CCDC148: variants seen among roughly 807,000 people sequenced by gnomAD.
The protein encoded by CCDC148 is coiled-coil domain-containing protein 148.
In CCDC148, 89 loss-of-function variants were observed where a neutral mutation model predicts 85.7. The observed-to-expected ratio is 1.04, with a 90% confidence interval of 0.87 to 1.24. The LOEUF (loss-of-function observed/expected upper bound fraction) is 1.24, where lower values mean the gene tolerates loss of function less well. CCDC148 is among the 50% of genes most tolerant of loss of function. The pLI, the probability that CCDC148 is intolerant of heterozygous loss-of-function variation, is 0.00. For missense variants in CCDC148, 692 were observed against 671.7 expected, an observed-to-expected ratio of 1.03 and a Z score of -0.33; for synonymous variants, 230 against 213.9, an observed-to-expected ratio of 1.08 and a Z score of -0.66.
intron 11 of CCDC148, among the ~76,000 whole-genome samples, chr2:158,201,505 G>A (rs1406889167): frequency 1.3e-5 from 2 of 152,024 alleles, no homozygotes; most frequent in Non-Finnish European, 2.9e-5. Context: ...CATGTCCCAG[G>A]CTCAAGTGAC....
intron 1 of CCDC148, among the ~76,000 whole-genome samples, chr2:158,431,444 A>C: frequency 6.6e-6 from 1 of 151,944 alleles, no homozygotes; most frequent in South Asian, 2.1e-4. Context: ...CAAGTCAAAA[A>C]AAATGACAGA....
intron 1 of CCDC148, among the ~76,000 whole-genome samples, chr2:158,385,042 C>G (rs28617649): frequency 0.058 from 8,776 of 152,256 alleles, 482 homozygotes; most frequent in African/African-American, 0.15. Context: ...CACCATCAGT[C>G]AGGGACAGTT....
intron 2 of CCDC148, among the ~76,000 whole-genome samples, chr2:158,350,437 G>C (rs758404416): frequency 2.0e-5 from 3 of 152,060 alleles, no homozygotes; most frequent in Non-Finnish European, 2.9e-5. Flanking sequence ...ACTGACAAGG[G>C]TGTAGAGAAT....
At chr2:158,340,048 G>T (rs960119561) in intron 5 of CCDC148, among the ~76,000 whole-genome samples, 194 bp downstream of exon 5, 5 of 152,134 alleles carry the variant, frequency 3.3e-5, no homozygotes, top group Non-Finnish European at 7.4e-5. Flanking sequence ...CAAGAAATGA[G>T]GGTGCTCGAC....
chr2:158,273,320 A>G (rs72995465), intron 9 of CCDC148, among the ~76,000 whole-genome samples: 1,910 of 152,256 alleles, frequency 0.013, 47 homozygotes, highest in African/African-American at 0.043. Context: ...TAATAACAAT[A>G]TACCCCCAAT....
chr2:158,323,945 T>C (rs953473654), intron 7 of CCDC148, among the ~76,000 whole-genome samples: 2 of 130,586 alleles, frequency 1.5e-5, no homozygotes, highest in African/African-American at 3.4e-5. Flanking sequence ...TTTTTTTTTT[T>C]TGAGATAGGG....
At chr2:158,402,775 A>G (rs1175175853) in intron 1 of CCDC148, among the ~76,000 whole-genome samples, 2 of 152,120 alleles carry the variant, frequency 1.3e-5, no homozygotes, top group Non-Finnish European at 2.9e-5. Flanking sequence ...TTTAGATAGT[A>G]TAACTTTGCC....
At chr2:158,278,143 G>A (rs114428933) in intron 9 of CCDC148, among the ~76,000 whole-genome samples, 5,133 of 152,022 alleles carry the variant, frequency 0.034, 121 homozygotes, top group East Asian at 0.065. Flanking sequence ...AAAACCGGAG[G>A]AGCCAAGATG....
intron 9 of CCDC148, among the ~76,000 whole-genome samples, chr2:158,289,576 G>C (rs1238859879): frequency 6.6e-6 from 1 of 152,162 alleles, no homozygotes; most frequent in Non-Finnish European, 1.5e-5. Flanking sequence ...AATACAGTAG[G>C]ATGACAGAAA....
chr2:158,272,922 T>C (rs561041303), intron 9 of CCDC148, among the ~76,000 whole-genome samples: 6 of 152,352 alleles, frequency 3.9e-5, no homozygotes, highest in African/African-American at 1.4e-4. Flanking sequence ...AATGTATACA[T>C]ACAGCATAAC....
chr2:158,430,529 A>G (rs2105331934), intron 1 of CCDC148, among the ~76,000 whole-genome samples: 1 of 152,326 alleles, frequency 6.6e-6, no homozygotes, highest in East Asian at 1.9e-4. Flanking sequence ...ATTAAACAGA[A>G]GAAATAAGAC....
chr2:158,446,965 T>C (rs536509215), intron 1 of CCDC148, among the ~76,000 whole-genome samples: 3 of 152,312 alleles, frequency 2.0e-5, no homozygotes, highest in Admixed American at 6.5e-5. Flanking sequence ...TAGAGATGAA[T>C]AGTATTCGAG....
chr2:158,327,081 C>T (rs1692815021), intron 7 of CCDC148, among the ~76,000 whole-genome samples: 1 of 152,064 alleles, frequency 6.6e-6, no homozygotes, highest in Admixed American at 6.6e-5. Flanking sequence ...AAGGTTTTTG[C>T]TCAATCTTTC....
intron 9 of CCDC148, among the ~76,000 whole-genome samples, chr2:158,268,735 C>G (rs1689579329): frequency 6.6e-6 from 1 of 152,120 alleles, no homozygotes; most frequent in Admixed American, 6.6e-5. Context: ...GTCATCTCCC[C>G]TTTCCTCCCA....
At chr2:158,194,852 C>T (rs922711954) in intron 11 of CCDC148, among the ~76,000 whole-genome samples, 13 of 131,654 alleles carry the variant, frequency 9.9e-5, no homozygotes, top group African/African-American at 3.3e-4. Flanking sequence ...ACTCCTCTGA[C>T]TATTATGTTA....
intron 1 of CCDC148, among the ~76,000 whole-genome samples, 182 bp from the exon 2 acceptor site, chr2:158,358,752 T>A (rs1345606075): frequency 6.6e-6 from 1 of 151,956 alleles, no homozygotes; most frequent in Non-Finnish European, 1.5e-5. Flanking sequence ...GAAATTATTA[T>A]AATATAGCCA....
rs191374917 is a variant in CCDC148 at position 158,394,212 on chromosome 2, T to C, written c.26-35642A>G. ...TATGCAAAACATTTGCATATATTCTTCTACTCCTAGAAAATTCAGAAATTG... is the reference window on the plus strand; with the variant it reads ...TATGCAAAACATTTGCATATATTCTCCTACTCCTAGAAAATTCAGAAATTG... On this transcript the variant is annotated intron_variant, in intron 1 of 13. Transcript: ENST00000283233. 2.7e-3 allele frequency among the ~76,000 whole-genome samples: 418 copies of C among 152,266 alleles called. 3 individuals carry two copies. The highest frequency in any genetic ancestry group is 9.5e-3 in the African/African-American group (396 of 41,574).
chr2:158,279,238 G>C (rs1440754523), intron 9 of CCDC148, among the ~76,000 whole-genome samples: 1 of 152,178 alleles, frequency 6.6e-6, no homozygotes, highest in Non-Finnish European at 1.5e-5. Flanking sequence ...TCCTCCAAAG[G>C]ATCGCAGTTC....
intron 7 of CCDC148, among the ~76,000 whole-genome samples, chr2:158,328,428 G>C (rs1210898981): frequency 6.6e-6 from 1 of 152,130 alleles, no homozygotes; most frequent in East Asian, 1.9e-4. Context: ...GGACATCTGG[G>C]TTGGTTCCAA....
Sources: allele counts gnomAD v4.1 joint callset (sites outside exome capture counted in the v4.1 genomes callset), GRCh38; gene constraint gnomAD v4.1.1; transcripts MANE v1.5; gene names NCBI Gene and HGNC (gene_info 2026-07-23, HGNC 2026-07-21).